TPO: variants seen among roughly 807,000 people sequenced by gnomAD.
TPO encodes thyroid microsomal antigen.
TPO carries 78 observed loss-of-function variants against 96.9 expected under a neutral mutation model. The ratio of observed to expected loss-of-function variants is 0.81; its 90% CI spans 0.67 to 0.97. TPO has a LOEUF of 0.97. Among genes scored for constraint, TPO ranks in the 50% least tolerant of loss-of-function variants. The pLI, the probability that TPO is intolerant of heterozygous loss-of-function variation, is 0.00. For missense variants in TPO, 1,252 were observed against 1,274.8 expected (o/e 0.98, Z 0.27); for synonymous variants, 547 against 538.0 (o/e 1.02, Z -0.23).
chr2:1,486,688 G>C (rs569897780), intron 9 of TPO, among the ~76,000 whole-genome samples: 11 of 152,282 alleles, frequency 7.2e-5, no homozygotes, highest in African/African-American at 2.6e-4. Context: ...TTTTTTGGAA[G>C]GGTTATTTTT....
At chr2:1,380,009 A>G (rs1661782860) in intron 1 of TPO, among the ~76,000 whole-genome samples, 1 of 152,212 alleles carries the variant, frequency 6.6e-6, no homozygotes, top group Admixed American at 6.5e-5. Context: ...CTCTGAAAAT[A>G]TGTCAAATGT....
chr2:1,520,685 C>T (rs890788959), intron 15 of TPO, among the ~76,000 whole-genome samples: 3 of 152,216 alleles, frequency 2.0e-5, no homozygotes, highest in African/African-American at 4.8e-5. Flanking sequence ...AATACCTCCA[C>T]GGTATTATGC....
intron 1 of TPO, among the ~76,000 whole-genome samples, chr2:1,398,646 C>A (rs1193125478): frequency 2.6e-5 from 4 of 152,210 alleles, no homozygotes; most frequent in Non-Finnish European, 5.9e-5. Flanking sequence ...TGGGAGAGGT[C>A]ATGAATATCA....
At chr2:1,375,183 G>A (rs370143237) in intron 1 of TPO, among the ~76,000 whole-genome samples, 9 of 152,020 alleles carry the variant, frequency 5.9e-5, no homozygotes, top group African/African-American at 2.2e-4. Flanking sequence ...CATTGCTTAG[G>A]GCTGAAAAAT....
rs554387416 is a variant in TPO at position 1,376,027 on chromosome 2, G to A, written n.180+1625G>A. Among the ~76,000 whole-genome samples, 8 of 152,304 alleles carry A rather than the reference G, an allele frequency of 5.3e-5. No individual in the cohort carries two copies. In the South Asian group the frequency reaches 1.5e-3, roughly 28 times the overall value. ...CTGCAGCCCAGCTGCTGCAGGCTGC[G>A]TTTGCTGGACATGGGACACCCAGCA... On this transcript the variant is annotated intron_variant and non_coding_transcript_variant, in intron 1 of 5. Coordinates refer to the TPO transcript ENST00000497517.
At chr2:1,418,774 G>A (rs1042817816) in intron 2 of TPO, among the ~76,000 whole-genome samples, 7 of 152,220 alleles carry the variant, frequency 4.6e-5, no homozygotes, top group Admixed American at 2.0e-4. Flanking sequence ...AAGCAGAGGC[G>A]CTGCCTGCAG....
At chr2:1,429,731 C>T (rs1664791225) in intron 3 of TPO, among the ~76,000 whole-genome samples, 1 of 152,182 alleles carries the variant, frequency 6.6e-6, no homozygotes, top group Non-Finnish European at 1.5e-5. Context: ...TGCATTGTGT[C>T]CAAGTCGTGG....
chr2:1,523,780 T>A (rs1265640390), intron 15 of TPO, among the ~76,000 whole-genome samples: 3 of 68,168 alleles, frequency 4.4e-5, no homozygotes, highest in Admixed American at 2.1e-4. Context: ...CAACCTCTTC[T>A]AATCCCCTCA....
intron 2 of TPO, 137 bp from the exon 3 acceptor site, chr2:1,422,908 C>T (rs1379603179): frequency 5.7e-6 from 5 of 880,058 alleles, no homozygotes; most frequent in Middle Eastern, 2.8e-4. Context: ...GAAGCGACCC[C>T]GGGACCTGGC....
At chr2:1,377,714 T>C (rs113414824) in intron 1 of TPO, among the ~76,000 whole-genome samples, 5 of 152,056 alleles carry the variant, frequency 3.3e-5, no homozygotes, top group Non-Finnish European at 2.9e-5. Flanking sequence ...TTAGCACAGG[T>C]GGGGAAATGC....
intron 11 of TPO, among the ~76,000 whole-genome samples, 171 bp downstream of exon 11, chr2:1,494,210 T>C (rs1573421374): frequency 6.6e-6 from 1 of 152,218 alleles, no homozygotes; most frequent in Non-Finnish European, 1.5e-5. Flanking sequence ...CCTAGAACAG[T>C]GTTTTTATAA....
intron 5 of TPO, among the ~76,000 whole-genome samples, chr2:1,446,436 T>C (rs1666829479): frequency 6.6e-6 from 1 of 152,186 alleles, no homozygotes; most frequent in African/African-American, 2.4e-5. Context: ...GAGCAAAGTG[T>C]AAGAGCCCCA....
intron 14 of TPO, among the ~76,000 whole-genome samples, chr2:1,508,084 T>C (rs1007422399): frequency 2.6e-5 from 4 of 152,094 alleles, no homozygotes; most frequent in African/African-American, 9.7e-5. Flanking sequence ...ATTGAGAGTT[T>C]TTAGCATGAA....
rs935058009 is a variant in TPO at position 1,503,983 on chromosome 2, T to G, written c.2422T>G (p.Cys808Gly). The G allele has an allele frequency of 6.2e-7, 1 of 1,613,538 alleles. No homozygotes were observed. Among genetic ancestry groups the G allele is most frequent in the African/African-American group, 1.3e-5 (1 of 74,888 alleles). ...GTGTGCAGACGGTGCCCACCCCCCC[T>G]GCCACGCCTCTGCGAGGTGCAGAAA... ...NECADGAHPP[C>G]HASARCRNTK... Residue 808 changes from cysteine (C) to glycine (G), a missense_variant, in exon 14 of 17, where the codon TGC (cysteine) becomes GGC (glycine). Transcript: ENST00000329066.
rs28913012 is a variant in TPO, at chr2:1,516,841, C to T, written c.2519-42C>T. On this transcript the variant is annotated intron_variant, in intron 14 of 16. Transcript: ENST00000329066. ...GGCAGGACAACCTGGCTTGCCCAGGCCCTGGAAGGTTCTTCTAACCAGGCC... is the reference window on the plus strand; with the variant it reads ...GGCAGGACAACCTGGCTTGCCCAGGTCCTGGAAGGTTCTTCTAACCAGGCC... 1.5e-3 allele frequency: 2,405 copies of T among 1,598,576 alleles called. 43 individuals are homozygous for T. In the African/African-American group the frequency reaches 0.027, roughly 18 times the overall value.
intron 7 of TPO, among the ~76,000 whole-genome samples, chr2:1,473,432 G>A (rs1043299282): frequency 2.0e-5 from 3 of 152,112 alleles, no homozygotes; most frequent in Non-Finnish European, 4.4e-5. Context: ...ATACCGTGTG[G>A]ACTTGGTCAT....
chr2:1,531,775 C>A (rs1192783424), intron 15 of TPO, among the ~76,000 whole-genome samples: 2 of 44,684 alleles, frequency 4.5e-5, no homozygotes, highest in African/African-American at 2.0e-4. Flanking sequence ...CAAATCACCC[C>A]CACTCTCTGC....
intron 7 of TPO, among the ~76,000 whole-genome samples, chr2:1,462,712 A>G (rs1310792154): frequency 6.6e-6 from 1 of 152,242 alleles, no homozygotes; most frequent in Non-Finnish European, 1.5e-5. Flanking sequence ...ACGATGTGAC[A>G]TAAGGTATGA....
At chr2:1,431,835 G>T (rs1347737017) in intron 3 of TPO, among the ~76,000 whole-genome samples, 3 of 152,214 alleles carry the variant, frequency 2.0e-5, no homozygotes, top group African/African-American at 7.2e-5. Context: ...GAACAACTAG[G>T]TCACTTTTCC....
Sources: gnomAD v4.1 joint callset for allele counts (sites outside exome capture counted in the v4.1 genomes callset) on GRCh38, gnomAD v4.1.1 for gene constraint, MANE v1.5 for transcripts, NCBI Gene and HGNC (gene_info 2026-07-23, HGNC 2026-07-21) for gene names.